LIPH: variants seen among roughly 807,000 people sequenced by gnomAD.
The protein encoded by LIPH is lipase H.
LIPH carries 32 observed loss-of-function variants against 47.6 expected under a neutral mutation model. The ratio of observed to expected loss-of-function variants is 0.67; its 90% confidence interval spans 0.51 to 0.90. LIPH has a LOEUF of 0.90. LIPH is among the 40% of genes least tolerant of loss of function. The pLI is 0.00. For synonymous variants in LIPH, 190 were observed against 195.6 expected (o/e 0.97, Z 0.24); for missense variants, 497 against 541.4 (o/e 0.92, Z 0.81).
chr3:185,530,679 A>AAAAT (rs1238401767), intron 3 of LIPH, among the ~76,000 whole-genome samples: 1 of 152,002 alleles, frequency 6.6e-6, no homozygotes, highest in Non-Finnish European at 1.5e-5. Flanking sequence ...CAAAAAAACA[A>AAAAT]AAATAAATAA....
chr3:185,515,604 G>A (rs1006840244), intron 7 of LIPH, among the ~76,000 whole-genome samples: 4 of 152,072 alleles, frequency 2.6e-5, no homozygotes, highest in Non-Finnish European at 5.9e-5. Flanking sequence ...TGTCTCCTGG[G>A]TTCAAGCAAT....
chr3:185,538,838 T>C (rs1289064633), intron 1 of LIPH, among the ~76,000 whole-genome samples: 4 of 54,540 alleles, frequency 7.3e-5, no homozygotes, highest in Admixed American at 2.3e-4. Context: ...CATATATACA[T>C]ATATACACAT....
At chr3:185,528,774 A>T (rs1002370883) in intron 3 of LIPH, among the ~76,000 whole-genome samples, 3 of 152,170 alleles carry the variant, frequency 2.0e-5, no homozygotes, top group Non-Finnish European at 4.4e-5. Flanking sequence ...CCCTTGGTCA[A>T]TGTTATTTGG....
intron 1 of LIPH, among the ~76,000 whole-genome samples, chr3:185,547,138 C>CAAAAAAA (rs200586248): frequency 7.7e-6 from 1 of 129,464 alleles, no homozygotes; most frequent in Non-Finnish European, 1.7e-5. Context: ...GACTCCGTCT[C>CAAAAAAA]AAAAAAAAAA....
chr3:185,516,192 A>G (rs1203043327), intron 7 of LIPH, among the ~76,000 whole-genome samples: 1 of 152,064 alleles, frequency 6.6e-6, no homozygotes, highest in Non-Finnish European at 1.5e-5. Context: ...CAGCGCTTTG[A>G]GAGGCCAAGG....
chr3:185,524,489 G>A (rs1428193843), intron 4 of LIPH, among the ~76,000 whole-genome samples: 2 of 140,830 alleles, frequency 1.4e-5, no homozygotes, highest in Non-Finnish European at 3.0e-5. Context: ...TTGCTCTGTC[G>A]TCCAGGCTGG....
At chr3:185,511,718 T>G in intron 8 of LIPH, 21 bp from the exon 9 acceptor site, 1 of 1,570,836 alleles carries the variant, frequency 6.4e-7, no homozygotes, top group Non-Finnish European at 8.8e-7. Flanking sequence ...GAAGTAATAC[T>G]GAAAAATGGA....
At position 185,529,158 on chromosome 3, in the gene LIPH, C is replaced by T. The variant is rs547366668; in HGVS notation, c.527-1573G>A. 5.3e-5 allele frequency among the ~76,000 whole-genome samples: 6 copies of T among 112,174 alleles called. No individual in the cohort carries two copies. In the South Asian group the frequency reaches 9.6e-4, roughly 18 times the overall value. The allele number at this position is 112,174 out of a possible 152,430, so 73.6% of individuals were successfully genotyped here. ...TGCCACTGCACTCCAGCCTGGGTGA[C>T]AGAGCGAGACTCCGTCTCAAAAAAA... On this transcript the variant is annotated intron_variant, in intron 3 of 9. Transcript: ENST00000296252.
intron 3 of LIPH, among the ~76,000 whole-genome samples, chr3:185,531,994 T>C (rs1488216728): frequency 6.6e-6 from 1 of 152,002 alleles, no homozygotes; most frequent in South Asian, 2.1e-4. Context: ...CATGAGCTAC[T>C]GCACCCAGCC....
At chr3:185,515,336 G>T (rs185552030) in intron 7 of LIPH, among the ~76,000 whole-genome samples, 1 of 151,488 alleles carries the variant, frequency 6.6e-6, no homozygotes, top group Non-Finnish European at 1.5e-5. Context: ...ATTAAAACAC[G>T]CTACAACAGG....
chr3:185,537,838 T>C lies in LIPH; in HGVS notation c.50-2706A>G, dbSNP rs563736772. On this transcript the variant is annotated intron_variant, in intron 1 of 9. Transcript: ENST00000296252. ...TGTGTTTTGTTTTGAGACAAGGTCT[T>C]GCTCTGTCACCCAGGCTGGAGTGCA... 2.8e-3 allele frequency among the ~76,000 whole-genome samples: 433 copies of C among 152,296 alleles called. 1 individual carries two copies. The highest frequency in any genetic ancestry group is 9.6e-3 in the African/African-American group (401 of 41,596).
intron 7 of LIPH, among the ~76,000 whole-genome samples, chr3:185,516,598 G>T (rs1282859660): frequency 1.3e-5 from 2 of 151,982 alleles, no homozygotes; most frequent in Admixed American, 1.3e-4. Flanking sequence ...TCAACCTCTC[G>T]AGGCCTTTGG....
intron 1 of LIPH, among the ~76,000 whole-genome samples, chr3:185,537,485 C>T (rs1292913727): frequency 1.3e-5 from 2 of 152,084 alleles, no homozygotes; most frequent in Admixed American, 6.6e-5. Context: ...TCCTGTAAGT[C>T]GCATGCTCCT....
intron 3 of LIPH, among the ~76,000 whole-genome samples, chr3:185,531,873 T>C (rs1288247713): frequency 6.6e-6 from 1 of 152,150 alleles, no homozygotes; most frequent in East Asian, 1.9e-4. Flanking sequence ...AGGATCTCAC[T>C]CTGTCACCCA....
chr3:185,534,783 T>C lies in LIPH; in HGVS notation c.399A>G (p.Glu133=). ...CTCTTACCAACATCTGGTCAATAAA[T>C]TCCTTCAAGACCATGGCTACTTTTC... ...KTRKVAMVLK[E]FIDQMLAEGA... is the part of the protein sequence containing the mutation. The change falls in exon 2 of 10, where the codon GAA becomes GAG. Residue 133 remains glutamate, a synonymous_variant. Coordinates refer to ENST00000296252, the MANE Select transcript of LIPH (RefSeq NM_139248.3). 1.2e-6 allele frequency: 2 copies of C among 1,613,790 alleles called. No individual in the cohort carries two copies. The highest frequency in any genetic ancestry group is 1.7e-6 in the Non-Finnish European group (2 of 1,179,914).
chr3:185,525,996 C>CA (rs1720056137), intron 4 of LIPH, among the ~76,000 whole-genome samples: 1 of 152,240 alleles, frequency 6.6e-6, no homozygotes, highest in Admixed American at 6.5e-5. Context: ...GCTCTTCTCC[C>CA]AGACATCTGG....
intron 1 of LIPH, among the ~76,000 whole-genome samples, chr3:185,542,930 G>T (rs1720757330): frequency 3.3e-5 from 5 of 151,840 alleles, no homozygotes; most frequent in Admixed American, 3.3e-4. Context: ...ATCTAGGGCT[G>T]GGCATGGTGT....
chr3:185,526,904 A>G (rs565833334), intron 4 of LIPH, among the ~76,000 whole-genome samples: 1 of 152,186 alleles, frequency 6.6e-6, no homozygotes, highest in African/African-American at 2.4e-5. Context: ...ACTTATCTTC[A>G]TGTTGAAAAA....
intron 3 of LIPH, among the ~76,000 whole-genome samples, chr3:185,528,620 G>T (rs1365208836): frequency 6.6e-6 from 1 of 152,110 alleles, no homozygotes; most frequent in African/African-American, 2.4e-5. Context: ...TGGTTTCACT[G>T]CCCTGAGTTT....
Sources: gnomAD v4.1 joint callset for allele counts (sites outside exome capture counted in the v4.1 genomes callset) on GRCh38, gnomAD v4.1.1 for gene constraint, MANE v1.5 for transcripts, NCBI Gene and HGNC (gene_info 2026-07-23, HGNC 2026-07-21) for gene names.